NXPH1: variants seen among roughly 807,000 people sequenced by gnomAD.
NXPH1 encodes the protein neurexophilin 1, also known as neurexophilin-1.
In NXPH1, 5 loss-of-function variants were observed where a neutral mutation model predicts 23.7. The ratio of observed to expected loss-of-function variants is 0.21; its 90% CI spans 0.11 to 0.44. The LOEUF (loss-of-function observed/expected upper bound fraction) is 0.44, where lower values mean the gene tolerates loss of function less well. NXPH1 is among the 20% of genes least tolerant of loss of function. NXPH1 has a pLI of 0.99. For synonymous variants in NXPH1, 144 were observed against 122.2 expected (o/e 1.18, Z -1.18); for missense variants, 324 against 321.6 (o/e 1.01, Z -0.06).
chr7:8,751,952 C>A lies in NXPH1; in HGVS notation c.*183C>A. 1.7e-6 allele frequency: 1 copy of A among 589,056 alleles called. No individual in the cohort carries two copies. Among genetic ancestry groups the A allele is most frequent in the South Asian group, 2.3e-5 (1 of 42,846 alleles). 36.5% of individuals were successfully genotyped at this position (589,056 alleles called of 1,614,324 possible). A position where few individuals can be genotyped will look rare whatever the true frequency, so the allele number is the denominator to read the frequency against. On this transcript the variant is annotated 3_prime_UTR_variant, in exon 3 of 3. Coordinates refer to ENST00000405863, the MANE Select transcript of NXPH1 (RefSeq NM_152745.3). This position sits in a 1 kb window ranked among gnomAD's most constrained non-coding sequence, Gnocchi z 4.5. Reference sequence around the variant, plus strand: ...GTAATTTCTGCCCAGTCAGCTTCATCCCTCAGTATAATTGTAAATCATCAC... The same window carrying A: ...GTAATTTCTGCCCAGTCAGCTTCATACCTCAGTATAATTGTAAATCATCAC...
chr7:8,625,065 A>G (rs1179127123), intron 2 of NXPH1, among the ~76,000 whole-genome samples: 2 of 152,142 alleles, frequency 1.3e-5, no homozygotes, highest in Non-Finnish European at 2.9e-5. Context: ...TCCATATTGT[A>G]GTGTCATTTT....
intron 2 of NXPH1, among the ~76,000 whole-genome samples, chr7:8,561,100 A>G (rs1366285579): frequency 1.3e-5 from 2 of 151,604 alleles, no homozygotes; most frequent in African/African-American, 4.8e-5. Context: ...CGGGAATTCT[A>G]TATACTCTCC....
chr7:8,587,991 GA>G (rs1217714179), intron 2 of NXPH1, among the ~76,000 whole-genome samples: 1 of 152,118 alleles, frequency 6.6e-6, no homozygotes, highest in Admixed American at 6.5e-5. Flanking sequence ...ACAAATGTAT[GA>G]AAAAAAGCTC....
intron 2 of NXPH1, among the ~76,000 whole-genome samples, chr7:8,689,256 T>G (rs769603535): frequency 1.9e-4 from 29 of 152,022 alleles, no homozygotes; most frequent in Non-Finnish European, 5.9e-5. Flanking sequence ...CTGAGCCTAG[T>G]CTTTTACACA....
intron 2 of NXPH1, among the ~76,000 whole-genome samples, chr7:8,436,820 C>G (rs1816204099): frequency 6.6e-6 from 1 of 152,130 alleles, no homozygotes; most frequent in Non-Finnish European, 1.5e-5. Flanking sequence ...GTGATACTGG[C>G]GCTCCTCAAT....
chr7:8,473,523 C>T (rs1466601593), intron 2 of NXPH1, among the ~76,000 whole-genome samples: 1 of 152,110 alleles, frequency 6.6e-6, no homozygotes, highest in Non-Finnish European at 1.5e-5. Context: ...TAATTGCTCT[C>T]TTATTGGAGG....
chr7:8,733,753 G>T (rs1051986837), intron 2 of NXPH1, among the ~76,000 whole-genome samples: 2 of 152,036 alleles, frequency 1.3e-5, no homozygotes, highest in Non-Finnish European at 2.9e-5. Flanking sequence ...ATTTGTTTAA[G>T]TTATTTGTAG....
chr7:8,655,633 T>C (rs1185520898), intron 2 of NXPH1, among the ~76,000 whole-genome samples: 1 of 152,128 alleles, frequency 6.6e-6, no homozygotes, highest in Non-Finnish European at 1.5e-5. Flanking sequence ...CATATATGAT[T>C]ATTGTTGATT....
intron 2 of NXPH1, among the ~76,000 whole-genome samples, chr7:8,589,785 T>C (rs962969391): frequency 1.3e-5 from 2 of 152,076 alleles, no homozygotes; most frequent in African/African-American, 4.8e-5. Flanking sequence ...CAGTTGTAGC[T>C]GCACCATCCA....
intron 2 of NXPH1, among the ~76,000 whole-genome samples, chr7:8,453,170 G>A (rs1816536029): frequency 6.6e-6 from 1 of 151,992 alleles, no homozygotes; most frequent in South Asian, 2.1e-4. Flanking sequence ...AGGGGAGAGA[G>A]GGAGAGGAAG....
chr7:8,639,862 C>T (rs1335193092), intron 2 of NXPH1, among the ~76,000 whole-genome samples: 1 of 152,188 alleles, frequency 6.6e-6, no homozygotes, highest in African/African-American at 2.4e-5. Flanking sequence ...CACCATGATT[C>T]TGAGGCCTGC....
At chr7:8,618,965 A>G (rs1819805208) in intron 2 of NXPH1, among the ~76,000 whole-genome samples, 1 of 152,192 alleles carries the variant, frequency 6.6e-6, no homozygotes, top group South Asian at 2.1e-4. Context: ...GATGAAAATT[A>G]TAAAATTGAA....
chr7:8,635,383 G>A (rs1176792326), intron 2 of NXPH1, among the ~76,000 whole-genome samples: 1 of 152,134 alleles, frequency 6.6e-6, no homozygotes. Flanking sequence ...TTTCTTTCAA[G>A]TTTCTTTTCC....
At chr7:8,532,375 A>G (rs1817960669) in intron 2 of NXPH1, among the ~76,000 whole-genome samples, 1 of 142,014 alleles carries the variant, frequency 7.0e-6, no homozygotes, top group Non-Finnish European at 1.5e-5. Context: ...GAAGGAAAGC[A>G]TTTGCTGCAG....
At chr7:8,501,884 G>T (rs1170191797) in intron 2 of NXPH1, among the ~76,000 whole-genome samples, 2 of 152,072 alleles carry the variant, frequency 1.3e-5, no homozygotes, top group African/African-American at 2.4e-5. Context: ...AGAGGGTAAG[G>T]CCTAGGGCCT....
chr7:8,649,051 C>T (rs1041115234), intron 2 of NXPH1, among the ~76,000 whole-genome samples: 2 of 151,398 alleles, frequency 1.3e-5, no homozygotes, highest in African/African-American at 4.9e-5. Context: ...TTTGTATTTA[C>T]ACCTTTTTCC....
rs1816140514 is a variant in NXPH1 at position 8,433,824 on chromosome 7, G to C, written c.-1042G>C. Reference sequence around the variant, plus strand: ...ATCTTCCCTACGCCCCCCGGGAAGGGGGCGCTGCGGCCACCGAAGACACCG... The same window carrying C: ...ATCTTCCCTACGCCCCCCGGGAAGGCGGCGCTGCGGCCACCGAAGACACCG... On this transcript the variant is annotated 5_prime_UTR_variant, in exon 1 of 3. Coordinates refer to ENST00000405863, the MANE Select transcript of NXPH1 (RefSeq NM_152745.3). The surrounding 1 kb of genome is among the most constrained non-coding windows in gnomAD (Gnocchi z 6.8). 6 of 152,464 alleles carry C rather than the reference G, an allele frequency of 3.9e-5. No homozygotes were observed. The highest frequency in any genetic ancestry group is 3.9e-4 in the Admixed American group (6 of 15,290). The allele number at this position is 152,464 out of a possible 1,614,324, so 9.4% of individuals were successfully genotyped here.
chr7:8,681,992 A>G (rs1326772438), intron 2 of NXPH1, among the ~76,000 whole-genome samples: 1 of 152,230 alleles, frequency 6.6e-6, no homozygotes, highest in African/African-American at 2.4e-5. Flanking sequence ...AGCAAAAGCA[A>G]GGAGGCAAGG....
chr7:8,446,637 T>A (rs1167858481), intron 2 of NXPH1, among the ~76,000 whole-genome samples: 1 of 152,220 alleles, frequency 6.6e-6, no homozygotes, highest in African/African-American at 2.4e-5. Flanking sequence ...AGGCACAATT[T>A]GAGGTCCTTA....
Sources: allele counts gnomAD v4.1 joint callset (sites outside exome capture counted in the v4.1 genomes callset), GRCh38; gene constraint gnomAD v4.1.1; non-coding constraint Gnocchi (gnomAD v3.1); transcripts MANE v1.5; gene names NCBI Gene and HGNC (gene_info 2026-07-23, HGNC 2026-07-21).